MYO3B: variants seen among roughly 807,000 people sequenced by gnomAD.
MYO3B encodes myosin IIIB, also known as myosin-IIIb.
MYO3B carries 156 observed loss-of-function variants against 174.6 expected under a neutral mutation model. The ratio of observed to expected loss-of-function variants is 0.89; its 90% CI spans 0.78 to 1.02. The LOEUF (loss-of-function observed/expected upper bound fraction) is 1.02. Ranked by LOEUF, MYO3B falls within the 50% of genes least tolerant of loss-of-function variation. The pLI is 0.00. For missense variants in MYO3B, 1,632 were observed against 1,639.4 expected, an observed-to-expected ratio of 1.00 and a Z score of 0.08; for synonymous variants, 563 against 569.1, an observed-to-expected ratio of 0.99 and a Z score of 0.15.
chr2:170,459,703 A>C (rs1684137578), intron 23 of MYO3B, among the ~76,000 whole-genome samples: 1 of 151,954 alleles, frequency 6.6e-6, no homozygotes, highest in Non-Finnish European at 1.5e-5. Flanking sequence ...AGGAGGCTCA[A>C]GGCTCGGGCC....
chr2:170,366,702 C>T (rs1245825615), intron 8 of MYO3B, among the ~76,000 whole-genome samples: 2 of 152,170 alleles, frequency 1.3e-5, no homozygotes, highest in Non-Finnish European at 2.9e-5. Flanking sequence ...TTGTCTAATT[C>T]TCTGACTTCA....
chr2:170,297,399 A>G (rs1195327441), intron 7 of MYO3B, among the ~76,000 whole-genome samples: 1 of 152,182 alleles, frequency 6.6e-6, no homozygotes, highest in Non-Finnish European at 1.5e-5. Flanking sequence ...ATAGCTCCCC[A>G]TTTAAAAAAC....
At chr2:170,499,274 TG>T (rs1687071950) in intron 26 of MYO3B, among the ~76,000 whole-genome samples, 1 of 152,198 alleles carries the variant, frequency 6.6e-6, no homozygotes, top group Admixed American at 6.5e-5. Context: ...CCTCACCCTC[TG>T]AACTTCCACT....
intron 32 of MYO3B, among the ~76,000 whole-genome samples, chr2:170,611,173 G>A (rs181877858): frequency 6.6e-6 from 1 of 152,150 alleles, no homozygotes; most frequent in African/African-American, 2.4e-5. Flanking sequence ...CAGCCCCCTC[G>A]GCAACTGGAG....
At chr2:170,496,602 T>C (rs1686864509) in intron 25 of MYO3B, among the ~76,000 whole-genome samples, 1 of 148,344 alleles carries the variant, frequency 6.7e-6, no homozygotes, top group Non-Finnish European at 1.5e-5. Flanking sequence ...ATATATAATA[T>C]ATATGTATAA....
chr2:170,310,338 G>A (rs1304008162), intron 7 of MYO3B, among the ~76,000 whole-genome samples: 1 of 151,998 alleles, frequency 6.6e-6, no homozygotes, highest in Non-Finnish European at 1.5e-5. Context: ...TACATTTTAG[G>A]GAGGCATAAG....
chr2:170,619,930 A>G (rs1020948694), intron 32 of MYO3B, among the ~76,000 whole-genome samples: 1 of 151,302 alleles, frequency 6.6e-6, no homozygotes, highest in African/African-American at 2.4e-5. Context: ...TATTTTTAGT[A>G]GAGACAGGGT....
At chr2:170,619,792 G>T (rs1450412006) in intron 32 of MYO3B, among the ~76,000 whole-genome samples, 7 of 108,310 alleles carry the variant, frequency 6.5e-5, no homozygotes. Flanking sequence ...TGTTGCCCAA[G>T]CTAGAGTGCG....
chr2:170,575,083 G>A (rs774338974), intron 32 of MYO3B, among the ~76,000 whole-genome samples: 7 of 152,158 alleles, frequency 4.6e-5, no homozygotes, highest in Non-Finnish European at 8.8e-5. Context: ...GCCTAGGGAT[G>A]TTTGTGACAC....
At chr2:170,428,567 C>T (rs1284663033) in intron 22 of MYO3B, among the ~76,000 whole-genome samples, 2 of 152,148 alleles carry the variant, frequency 1.3e-5, no homozygotes, top group African/African-American at 4.8e-5. Flanking sequence ...TGTTTACTTC[C>T]TTGATTAGCT....
At chr2:170,445,203 T>C (rs564028512) in intron 23 of MYO3B, among the ~76,000 whole-genome samples, 4 of 152,226 alleles carry the variant, frequency 2.6e-5, no homozygotes, top group Non-Finnish European at 5.9e-5. Context: ...AGTATGTCAA[T>C]TGCAGCATTT....
At chr2:170,313,936 G>A (rs2093756893) in intron 7 of MYO3B, among the ~76,000 whole-genome samples, 1 of 152,116 alleles carries the variant, frequency 6.6e-6, no homozygotes, top group African/African-American at 2.4e-5. Flanking sequence ...ACACAGCCCT[G>A]CATGGATAAT....
At chr2:170,247,300 T>C (rs996237425) in intron 7 of MYO3B, among the ~76,000 whole-genome samples, 3 of 147,478 alleles carry the variant, frequency 2.0e-5, no homozygotes, top group African/African-American at 7.3e-5. Flanking sequence ...GAAGTTAGGA[T>C]TTCCAAGAAG....
chr2:170,602,386 C>A (rs1168718196), intron 32 of MYO3B, among the ~76,000 whole-genome samples: 7 of 152,190 alleles, frequency 4.6e-5, no homozygotes, highest in Non-Finnish European at 1.0e-4. Flanking sequence ...GTAACATTAA[C>A]CTTCCTTGTT....
chr2:170,562,735 A>G (rs1045466879), intron 32 of MYO3B, among the ~76,000 whole-genome samples: 1 of 152,210 alleles, frequency 6.6e-6, no homozygotes, highest in African/African-American at 2.4e-5. Flanking sequence ...CATTTAAGAA[A>G]GTATTTTTCA....
At chr2:170,381,385 G>A (rs536130565) in intron 9 of MYO3B, among the ~76,000 whole-genome samples, 5 of 152,186 alleles carry the variant, frequency 3.3e-5, no homozygotes, top group Admixed American at 6.6e-5. Context: ...TACAGAACCT[G>A]TATATTGCTC....
At chr2:170,401,795 T>C (rs1001316695) in intron 18 of MYO3B, 104 bp downstream of exon 18, 2 of 1,018,666 alleles carry the variant, frequency 2.0e-6, no homozygotes, top group Non-Finnish European at 2.8e-6. Context: ...GGATTTTCTT[T>C]CTTTTTCTTT....
chr2:170,538,703 C>T (rs1689884708), intron 30 of MYO3B, among the ~76,000 whole-genome samples: 1 of 152,124 alleles, frequency 6.6e-6, no homozygotes, highest in African/African-American at 2.4e-5. Flanking sequence ...TGAGAGTTTC[C>T]GTCTCCCCTA....
intron 30 of MYO3B, among the ~76,000 whole-genome samples, chr2:170,520,593 T>G (rs1688619543): frequency 6.6e-6 from 1 of 151,922 alleles, no homozygotes; most frequent in Admixed American, 6.6e-5. Context: ...AGAAAAACCC[T>G]AGATTTAAGC....
Sources: allele counts gnomAD v4.1 joint callset (sites outside exome capture counted in the v4.1 genomes callset), GRCh38; gene constraint gnomAD v4.1.1; transcripts MANE v1.5; gene names NCBI Gene and HGNC (gene_info 2026-07-23, HGNC 2026-07-21).